The following FAM185A variants were observed in gnomAD, a reference collection of about 807,000 sequenced individuals.
FAM185A encodes protein FAM185A.
FAM185A carries 21 observed loss-of-function variants against 45.7 expected under a neutral mutation model. That is an observed-to-expected ratio of 0.46 (90% CI 0.33 to 0.66). FAM185A has a LOEUF of 0.66. Among genes scored for constraint, FAM185A ranks in the 30% least tolerant of loss-of-function variants. The pLI is 0.03. For missense variants in FAM185A, 305 were observed against 485.4 expected, an observed-to-expected ratio of 0.63 and a Z score of 3.49; for synonymous variants, 117 against 194.0, an observed-to-expected ratio of 0.60 and a Z score of 3.30.
rs368244901 is a variant in FAM185A, at chr7:102,806,124, ATTGTT to A, written c.1067-2163_1067-2159del. Among the ~76,000 whole-genome samples, 244 of 144,890 alleles carry A rather than the reference ATTGTT, an allele frequency of 1.7e-3. 3 individuals are homozygous for A. The East Asian group carries it at 0.048, about 28-fold the overall frequency. Reference sequence around the variant, plus strand: ...AACATCTATTTTAACCTTTTTGGTTATTGTTTTAAGCTGTTATTTTGTTGTTGTTG... The same window carrying A: ...AACATCTATTTTAACCTTTTTGGTTATTAAGCTGTTATTTTGTTGTTGTTG... On this transcript the variant is annotated intron_variant, in intron 7 of 7. Coordinates refer to ENST00000413034, the MANE Select transcript of FAM185A (RefSeq NM_001145268.2).
chr7:102,779,946 A>C (rs1795304098), intron 6 of FAM185A: 1 of 148,080 alleles, frequency 6.8e-6, no homozygotes, highest in Non-Finnish European at 1.5e-5. Context: ...CTTGAGCTCA[A>C]GCAATCCACC....
downstream of FAM185A, among the ~76,000 whole-genome samples, chr7:102,812,287 T>C (rs1209400213): frequency 6.6e-6 from 1 of 152,204 alleles, no homozygotes; most frequent in Non-Finnish European, 1.5e-5. Flanking sequence ...AAAACTAATA[T>C]GTAGATATGC....
chr7:102,803,451 T>A (rs896040551), intron 7 of FAM185A, among the ~76,000 whole-genome samples: 123 of 152,190 alleles, frequency 8.1e-4, no homozygotes, highest in Non-Finnish European at 1.0e-4. Context: ...TCTCAATAGA[T>A]GCAGAAAAAG....
At chr7:102,806,841 C>A (rs1257903909) in intron 7 of FAM185A, among the ~76,000 whole-genome samples, 1 of 152,186 alleles carries the variant, frequency 6.6e-6, no homozygotes, top group African/African-American at 2.4e-5. Context: ...CAGAGCCCAG[C>A]AGACTCCCTG....
chr7:102,751,624 C>G, intron 1 of FAM185A, 68 bp from the exon 2 acceptor site: 1 of 1,456,274 alleles, frequency 6.9e-7, no homozygotes, highest in Non-Finnish European at 9.1e-7. Flanking sequence ...AGTTGGGTTT[C>G]TAGGTTAAAA....
At chr7:102,753,891 A>G (rs900396665) in intron 2 of FAM185A, among the ~76,000 whole-genome samples, 6 of 152,184 alleles carry the variant, frequency 3.9e-5, no homozygotes, top group African/African-American at 1.4e-4. Flanking sequence ...TTATTCCTTG[A>G]AAGACCTCCC....
chr7:102,773,603 G>T (rs1170816772), intron 5 of FAM185A, among the ~76,000 whole-genome samples: 1 of 152,036 alleles, frequency 6.6e-6, no homozygotes, highest in Non-Finnish European at 1.5e-5. Context: ...TGACTAGGTA[G>T]GTTCTATGTT....
At chr7:102,839,194 C>T in the FAM185A span, among the ~76,000 whole-genome samples, 1 of 152,326 alleles carries the variant, frequency 6.6e-6, no homozygotes, top group East Asian at 1.9e-4. Context: ...CGTGCACATC[C>T]AGGCATAGTA....
chr7:102,808,132 A>G (rs1435389581), intron 7 of FAM185A, among the ~76,000 whole-genome samples, 158 bp from the exon 8 acceptor site: 1 of 152,184 alleles, frequency 6.6e-6, no homozygotes, highest in Non-Finnish European at 1.5e-5. Context: ...GGAGGGGAGC[A>G]AGCCCAGATA....
At chr7:102,758,459 T>TTTTTTTTTTTA (rs1554364935) in intron 3 of FAM185A, among the ~76,000 whole-genome samples, 2 of 107,448 alleles carry the variant, frequency 1.9e-5, no homozygotes, top group African/African-American at 3.6e-5. Flanking sequence ...TTTTTTTTTT[T>TTTTTTTTTTTA]ATAGTAGCTA....
chr7:102,773,766 T>A (rs1346376721), intron 5 of FAM185A, among the ~76,000 whole-genome samples: 1 of 152,076 alleles, frequency 6.6e-6, no homozygotes, highest in African/African-American at 2.4e-5. Flanking sequence ...TGAAAAAACT[T>A]CCTTTCTCTG....
At chr7:102,826,858 T>C in the FAM185A span, among the ~76,000 whole-genome samples, 1 of 145,918 alleles carries the variant, frequency 6.9e-6, no homozygotes, top group Non-Finnish European at 1.5e-5. Context: ...TATATATATT[T>C]CCAAGAGAGG....
intron 3 of FAM185A, among the ~76,000 whole-genome samples, chr7:102,761,021 A>G (rs1328046982): frequency 6.6e-6 from 1 of 152,232 alleles, no homozygotes; most frequent in African/African-American, 2.4e-5. Context: ...TTTATATAGG[A>G]CATATAAAAC....
At position 102,758,459 on chromosome 7, in the gene FAM185A, T is replaced by TTTTTTTTTTTTTTTTTTTTTTTTTTTTTA; in HGVS notation, c.654+513_654+514insTTTTTTTTTTTTTTTTTTTTTTTTTTTTA. 1.9e-5 allele frequency among the ~76,000 whole-genome samples: 2 copies of TTTTTTTTTTTTTTTTTTTTTTTTTTTTTA among 107,448 alleles called. 1 individual carries two copies. The highest frequency in any genetic ancestry group is 3.6e-5 in the Non-Finnish European group (2 of 56,106). The allele number at this position is 107,448 out of a possible 152,430, so 70.5% of individuals were successfully genotyped here. On this transcript the variant is annotated intron_variant, in intron 3 of 7. Coordinates refer to ENST00000413034, the MANE Select transcript of FAM185A (RefSeq NM_001145268.2). ...TTTTTTTTTTTTTTTTTTTTTTTTT[T>TTTTTTTTTTTTTTTTTTTTTTTTTTTTTA]ATAGTAGCTATTGGGATTTTTGTTG...
downstream of FAM185A, chr7:102,813,601 C>G (rs1797600792): frequency 4.0e-6 from 6 of 1,505,140 alleles, no homozygotes; most frequent in South Asian, 3.7e-5. Context: ...CAAACTCAAC[C>G]AAATTTGGAG....
At chr7:102,772,695 A>C (rs1284866001) in intron 5 of FAM185A, among the ~76,000 whole-genome samples, 1 of 152,016 alleles carries the variant, frequency 6.6e-6, no homozygotes, top group Non-Finnish European at 1.5e-5. Context: ...GAAAAGAAAG[A>C]AAAAAAGATC....
the FAM185A span, among the ~76,000 whole-genome samples, chr7:102,831,431 A>ACACACACACACACCCCC: frequency 1.4e-5 from 2 of 147,126 alleles, no homozygotes; most frequent in African/African-American, 5.0e-5. Context: ...ACACACACAC[A>ACACACACACACACCCCC]CCCCACTACA....
the FAM185A span, among the ~76,000 whole-genome samples, chr7:102,843,594 GCGAAACCCCGTCTCTA>G: frequency 6.6e-6 from 1 of 151,736 alleles, no homozygotes; most frequent in African/African-American, 2.4e-5. Flanking sequence ...GGCCAACGTG[GCGAAACCCCGTCTCTA>G]CGAAAAATAC....
At chr7:102,789,262 G>A (rs1026420782) in intron 7 of FAM185A, among the ~76,000 whole-genome samples, 24 of 152,164 alleles carry the variant, frequency 1.6e-4, no homozygotes, top group African/African-American at 5.6e-4. Flanking sequence ...GGTTATAGGT[G>A]TGTACTACCG....
Sources: allele counts gnomAD v4.1 joint callset (sites outside exome capture counted in the v4.1 genomes callset), GRCh38; gene constraint gnomAD v4.1.1; transcripts MANE v1.5; gene names NCBI Gene and HGNC (gene_info 2026-07-23, HGNC 2026-07-21).